PIK3CD: variants seen among roughly 807,000 people sequenced by gnomAD.
PIK3CD encodes the protein phosphatidylinositol-4,5-bisphosphate 3-kinase catalytic subunit delta, also known as phosphatidylinositol 4,5-bisphosphate 3-kinase catalytic subunit delta isoform.
In PIK3CD, 20 loss-of-function variants were observed where a neutral mutation model predicts 122.9. The observed-to-expected ratio is 0.16, with a 90% CI of 0.11 to 0.24. The LOEUF is 0.24. Ranked by LOEUF, PIK3CD falls within the 10% of genes least tolerant of loss-of-function variation. PIK3CD has a pLI of 1.00. For missense variants in PIK3CD, 787 were observed against 1,406.3 expected, an observed-to-expected ratio of 0.56 and a Z score of 7.04; for synonymous variants, 596 against 593.4, an observed-to-expected ratio of 1.00 and a Z score of -0.06.
chr1:9,724,464 C>T lies in PIK3CD; in HGVS notation c.2864+43C>T. ...CCACCAGATGCCCCTCGGTGTGGGG[C>T]CCCAGGGAACAGGGCAGAGGTTCCC... On this transcript the variant is annotated intron_variant, in intron 22 of 23. Transcript: ENST00000377346. This position sits in a 1 kb window ranked among gnomAD's most constrained non-coding sequence, Gnocchi z 7.3. 2 of 1,611,608 alleles carry T rather than the reference C, an allele frequency of 1.2e-6. No homozygotes were observed. Among genetic ancestry groups the T allele is most frequent in the East Asian group, 2.2e-5 (1 of 44,870 alleles).
chr1:9,680,447 T>TA lies in PIK3CD; in HGVS notation c.-137-11008dup, dbSNP rs559551940. Among the ~76,000 whole-genome samples the TA allele has an allele frequency of 5.1e-3, 747 of 146,456 alleles. 9 individuals carry two copies. Among genetic ancestry groups the TA allele is most frequent in the African/African-American group, 0.017 (674 of 39,612 alleles). On this transcript the variant is annotated intron_variant, in intron 1 of 23. Coordinates refer to ENST00000377346, the MANE Select transcript of PIK3CD (RefSeq NM_005026.5). ...CAATATAGTGAGACCCTGTCTCTAT[T>TA]AAAAAAAAAAAATTAAAACATTTTC...
chr1:9,652,435 G>T lies in PIK3CD; in HGVS notation c.-138+633G>T, dbSNP rs898132665. ...GGGCTTCCTCCCGGCTCGTGGACCC[G>T]CGCCCCGCCTCCCAGTCCCGGGCCT... On this transcript the variant is annotated intron_variant, in intron 1 of 23. Transcript: ENST00000377346. This position sits in a 1 kb window ranked among gnomAD's most constrained non-coding sequence, Gnocchi z 6.2. 6.6e-6 allele frequency among the ~76,000 whole-genome samples: 1 copy of T among 152,186 alleles called. No individual in the cohort carries two copies. Among genetic ancestry groups the T allele is most frequent in the Non-Finnish European group, 1.5e-5 (1 of 68,022 alleles).
In PIK3CD at chr1:9,652,359, C is replaced by G. The variant is rs1227174437; in HGVS notation, c.-138+557C>G. Among the ~76,000 whole-genome samples, 1 of 152,114 alleles carries G rather than the reference C, an allele frequency of 6.6e-6. No individual in the cohort carries two copies. The highest frequency in any genetic ancestry group is 1.5e-5 in the Non-Finnish European group (1 of 67,996). ...CCCGGGTCCTGTGCGCCCTTCCCAG[C>G]CTGGGCAAGTGGGGAGCGGGGCTGC... is the stretch of plus-strand genomic sequence containing the variant. On this transcript the variant is annotated intron_variant, in intron 1 of 23. Coordinates refer to ENST00000377346, the MANE Select transcript of PIK3CD (RefSeq NM_005026.5). The surrounding 1 kb of genome is among the most constrained non-coding windows in gnomAD (Gnocchi z 6.2).
At chr1:9,688,596 G>C (rs1330120905) in intron 1 of PIK3CD, among the ~76,000 whole-genome samples, 6 of 152,142 alleles carry the variant, frequency 3.9e-5, no homozygotes, top group Non-Finnish European at 7.4e-5. Context: ...AGGCTGACGC[G>C]GTAGGATGGC....
chr1:9,690,536 C>T (rs1182072459), intron 1 of PIK3CD, among the ~76,000 whole-genome samples: 3 of 152,292 alleles, frequency 2.0e-5, no homozygotes, highest in Non-Finnish European at 4.4e-5. Context: ...TCTCTGGTGG[C>T]AGTGCCTTGC....
At chr1:9,658,061 A>G (rs746760258) in intron 1 of PIK3CD, among the ~76,000 whole-genome samples, 6 of 152,172 alleles carry the variant, frequency 3.9e-5, no homozygotes, top group Non-Finnish European at 8.8e-5. Context: ...ATAGAGAAGC[A>G]TAATCAGCCT....
At chr1:9,635,335 T>A in the PIK3CD span, among the ~76,000 whole-genome samples, 1 of 151,032 alleles carries the variant, frequency 6.6e-6, no homozygotes, top group South Asian at 2.1e-4. Flanking sequence ...TTCTTTCTCA[T>A]CTGTGTCCCT....
rs538144129 is a variant in PIK3CD, at chr1:9,708,302, C to T, written c.-32-2122C>T. On this transcript the variant is annotated intron_variant, in intron 2 of 23. Coordinates refer to ENST00000377346, the MANE Select transcript of PIK3CD (RefSeq NM_005026.5). ...GTTCAAGCGATTCTCATGCCTCAGC[C>T]TCCCGAGTAGCTGGAATTACAGGCA... Among the ~76,000 whole-genome samples the T allele has an allele frequency of 5.9e-5, 9 of 152,216 alleles. No homozygotes were observed. In the East Asian group the frequency reaches 1.6e-3, roughly 26 times the overall value.
the PIK3CD span, among the ~76,000 whole-genome samples, chr1:9,634,287 G>T: frequency 7.8e-4 from 118 of 151,494 alleles, no homozygotes; most frequent in South Asian, 0.024. Context: ...TCAGCCTCCT[G>T]AGTAGCTGGG....
chr1:9,686,952 GTC>G (rs1416957426), intron 1 of PIK3CD, among the ~76,000 whole-genome samples: 3 of 152,130 alleles, frequency 2.0e-5, no homozygotes, highest in African/African-American at 7.2e-5. Context: ...ATTTATTAAG[GTC>G]TCTATCTTTT....
At chr1:9,670,422 C>A (rs1645288294) in intron 1 of PIK3CD, among the ~76,000 whole-genome samples, 1 of 152,134 alleles carries the variant, frequency 6.6e-6, no homozygotes, top group South Asian at 2.1e-4. Context: ...TGAATGGCTC[C>A]ATTTCTCCAG....
At position 9,714,775 on chromosome 1, in the gene PIK3CD, G is replaced by A. The variant is rs371339522; in HGVS notation, c.142-766G>A. ...ACACCTTTCAACTGCTTGTTGCTGT[G>A]GGAGGGCTGGAGGCCCGTCACCCCA... On this transcript the variant is annotated intron_variant, in intron 3 of 23. Transcript: ENST00000377346. Among the ~76,000 whole-genome samples, 383 of 152,216 alleles carry A rather than the reference G, an allele frequency of 2.5e-3. 2 individuals are homozygous for A. Among genetic ancestry groups the A allele is most frequent in the African/African-American group, 8.9e-3 (371 of 41,542 alleles).
intron 2 of PIK3CD, among the ~76,000 whole-genome samples, chr1:9,696,187 G>A (rs1646410168): frequency 6.6e-6 from 1 of 151,834 alleles, no homozygotes; most frequent in African/African-American, 2.4e-5. Context: ...GCCCAGGCTG[G>A]TCTCAAATTT....
At chr1:9,675,094 C>A (rs1645472209) in intron 1 of PIK3CD, among the ~76,000 whole-genome samples, 1 of 150,786 alleles carries the variant, frequency 6.6e-6, no homozygotes, top group Non-Finnish European at 1.5e-5. Flanking sequence ...CTTATGACAA[C>A]CCTGTTTGAG....
chr1:9,721,906 G>GT, intron 16 of PIK3CD, 46 bp downstream of exon 16: 2 of 1,612,072 alleles, frequency 1.2e-6, no homozygotes, highest in South Asian at 2.2e-5. Context: ...GGCCCTGAGC[G>GT]TCTGGGAATC....
At chr1:9,627,756 G>T in the PIK3CD span, among the ~76,000 whole-genome samples, 4 of 152,310 alleles carry the variant, frequency 2.6e-5, no homozygotes, top group Admixed American at 1.3e-4. Context: ...TTCCCTGCTG[G>T]CCCCGGGTGC....
chr1:9,721,930 C>G (rs773355153), intron 16 of PIK3CD, 45 bp from the exon 17 acceptor site: 8 of 1,612,562 alleles, frequency 5.0e-6, no homozygotes, highest in South Asian at 3.3e-5. Flanking sequence ...AGGGCTGGGT[C>G]GAGGCTGGGA....
intron 2 of PIK3CD, among the ~76,000 whole-genome samples, chr1:9,694,535 A>G (rs560835628): frequency 6.3e-4 from 96 of 152,338 alleles, no homozygotes; most frequent in African/African-American, 2.2e-3. Flanking sequence ...CTCCGTCTCA[A>G]AAAATAAAAG....
Position 9,717,768 on chromosome 1 carries a change from T to G in PIK3CD, c.1020+142T>G. The G allele has an allele frequency of 2.6e-6, 2 of 782,022 alleles. No individual in the cohort carries two copies. Among genetic ancestry groups the G allele is most frequent in the Non-Finnish European group, 4.3e-6 (2 of 465,604 alleles). The allele number at this position is 782,022 out of a possible 1,614,324, so 48.4% of individuals were successfully genotyped here. A position where few individuals can be genotyped will look rare whatever the true frequency, so the allele number is the denominator to read the frequency against. On this transcript the variant is annotated intron_variant, in intron 8 of 23. Coordinates refer to ENST00000377346, the MANE Select transcript of PIK3CD (RefSeq NM_005026.5). This position sits in a 1 kb window ranked among gnomAD's most constrained non-coding sequence, Gnocchi z 5.4. ...TACCCAGCATCCCTGCCTGGGGCGCTGTGAGCGGCTTGAAAACAGGAAGTG... is the reference window on the plus strand; with the variant it reads ...TACCCAGCATCCCTGCCTGGGGCGCGGTGAGCGGCTTGAAAACAGGAAGTG...
Sources: allele counts gnomAD v4.1 joint callset (sites outside exome capture counted in the v4.1 genomes callset), GRCh38; gene constraint gnomAD v4.1.1; non-coding constraint Gnocchi (gnomAD v3.1); transcripts MANE v1.5; gene names NCBI Gene and HGNC (gene_info 2026-07-23, HGNC 2026-07-21).